Variants in PLK4 observed in about 807,000 individuals in gnomAD.
The protein encoded by PLK4 is serine/threonine-protein kinase PLK4.
A neutral mutation model predicts 103.0 loss-of-function variants in PLK4; 51 were observed. The observed-to-expected ratio is 0.50, with a 90% CI of 0.40 to 0.63. The LOEUF is 0.63. Ranked by LOEUF, PLK4 falls within the 20% of genes least tolerant of loss-of-function variation. PLK4 has a pLI of 0.00. For missense variants in PLK4, 1,054 were observed against 1,151.0 expected, an observed-to-expected ratio of 0.92 and a Z score of 1.22; for synonymous variants, 389 against 376.8, an observed-to-expected ratio of 1.03 and a Z score of -0.38.
rs1261320067 is a variant in PLK4 at position 127,895,034 on chromosome 4, C to G, written c.2644C>G (p.Pro882Ala). 1.9e-6 allele frequency: 3 copies of G among 1,611,812 alleles called. No homozygotes were observed. The African/African-American group carries it at 4.0e-5, about 22-fold the overall frequency. The part of the protein sequence containing the change: ...ISSNSLKDCL[P>A]KSAQLLKSVF... ...TTCTAATAGTCTAAAAGATTGTCTT[C>G]CTAAATCAGCACAACTTTTGAAATC... The change falls in exon 14 of 16, where the codon CCT (proline) becomes GCT (alanine). Residue 882 changes from proline (P) to alanine (A), a missense_variant. Transcript: ENST00000270861.
intron 4 of PLK4, among the ~76,000 whole-genome samples, chr4:127,884,586 C>G (rs1735047214): frequency 6.6e-6 from 1 of 152,084 alleles, no homozygotes; most frequent in South Asian, 2.1e-4. Context: ...CGTAGATCAC[C>G]TGAGGTCAGG....
Sources: allele counts gnomAD v4.1 joint callset (sites outside exome capture counted in the v4.1 genomes callset), GRCh38; gene constraint gnomAD v4.1.1; transcripts MANE v1.5; gene names NCBI Gene and HGNC (gene_info 2026-07-23, HGNC 2026-07-21).